WRN: variants seen among roughly 807,000 people sequenced by gnomAD.
WRN encodes the protein WRN RecQ like helicase.
A neutral mutation model predicts 180.7 loss-of-function variants in WRN; 149 were observed. That is an observed-to-expected ratio of 0.82 (90% CI 0.72 to 0.94). The LOEUF is 0.94. WRN is among the 40% of genes least tolerant of loss of function. The pLI is 0.00. For missense variants in WRN, 1,661 were observed against 1,700.1 expected, an observed-to-expected ratio of 0.98 and a Z score of 0.40; for synonymous variants, 548 against 568.9, an observed-to-expected ratio of 0.96 and a Z score of 0.52.
rs151163452 is a variant in WRN, at chr8:31,175,292, G to A, written c.*2190G>A. 3.0e-3 allele frequency among the ~76,000 whole-genome samples: 453 copies of A among 152,198 alleles called. 2 individuals carry two copies. The highest frequency in any genetic ancestry group is 0.01 in the African/African-American group (432 of 41,544). ...TCTACTAAAAATACAAAAATTAGCT[G>A]GGTGTGTTGGTGCGTGCCTATAATC... On this transcript the variant is annotated 3_prime_UTR_variant, in exon 35 of 35. Transcript: ENST00000298139.
intron 2 of WRN, among the ~76,000 whole-genome samples, chr8:31,058,826 T>A (rs921155208): frequency 3.9e-5 from 6 of 152,234 alleles, no homozygotes; most frequent in African/African-American, 1.4e-4. Flanking sequence ...GAATTTTTTG[T>A]TTGCCAGCCG....
chr8:31,154,836 C>T, intron 32 of WRN, 81 bp downstream of exon 32: 20 of 1,545,872 alleles, frequency 1.3e-5, no homozygotes, highest in Non-Finnish European at 1.8e-5. Flanking sequence ...TATTAAAGTT[C>T]TGACTTGGGA....
At position 31,167,234 on chromosome 8, in the gene WRN, T is replaced by C; in HGVS notation, c.4191+4T>C. ...AGAAGTAGGCATCAATACTGAGGTA[T>C]TAATTATATATAGAATTTTCATAAA... On this transcript the variant is annotated splice_donor_region_variant and intron_variant, in intron 34 of 34. Transcript: ENST00000298139. 6.2e-7 allele frequency: 1 copy of C among 1,607,712 alleles called. No homozygotes were observed. The highest frequency in any genetic ancestry group is 8.5e-7 in the Non-Finnish European group (1 of 1,175,526).
intron 1 of WRN, among the ~76,000 whole-genome samples, chr8:31,056,205 A>G (rs1044236922): frequency 2.6e-5 from 4 of 152,138 alleles, no homozygotes; most frequent in Non-Finnish European, 5.9e-5. Flanking sequence ...TGTTTTTATA[A>G]AGTTTGTGTT....
intron 33 of WRN, among the ~76,000 whole-genome samples, chr8:31,165,606 G>T (rs1471142586): frequency 6.6e-6 from 1 of 151,910 alleles, no homozygotes; most frequent in Non-Finnish European, 1.5e-5. Context: ...TTGTAATCAG[G>T]TATGTACTTT....
chr8:31,170,078 G>A (rs1267340874), intron 34 of WRN, among the ~76,000 whole-genome samples: 7 of 152,042 alleles, frequency 4.6e-5, no homozygotes, highest in Admixed American at 3.3e-4. Context: ...GCTTTCTCCC[G>A]TACAGATGTC....
chr8:31,091,050 G>A, intron 15 of WRN, 108 bp downstream of exon 15: 1 of 856,616 alleles, frequency 1.2e-6, no homozygotes, highest in Non-Finnish European at 2.0e-6. Context: ...ACACATTTCT[G>A]CAGGTATTGC....
At chr8:31,082,472 T>A (rs1211528337) in intron 9 of WRN, among the ~76,000 whole-genome samples, 1 of 152,212 alleles carries the variant, frequency 6.6e-6, no homozygotes, top group African/African-American at 2.4e-5. Flanking sequence ...ATAAAAGATG[T>A]TCCCCTTCTG....
intron 33 of WRN, among the ~76,000 whole-genome samples, chr8:31,166,724 C>T (rs1460924250): frequency 2.0e-5 from 3 of 152,050 alleles, no homozygotes; most frequent in Non-Finnish European, 2.9e-5. Flanking sequence ...AACAATTCCA[C>T]GAATGGTTGT....
intron 6 of WRN, among the ~76,000 whole-genome samples, chr8:31,067,880 A>G (rs1812773450): frequency 1.3e-5 from 2 of 152,192 alleles, no homozygotes; most frequent in Non-Finnish European, 2.9e-5. Flanking sequence ...CACTTTTGTT[A>G]GGGAAATTGG....
Position 31,115,813 on chromosome 8 carries a change from A to G in WRN, c.2274-541A>G, listed in dbSNP as rs76858068. Among the ~76,000 whole-genome samples, 19 of 152,326 alleles carry G rather than the reference A, an allele frequency of 1.2e-4. No homozygotes were observed. In the East Asian group the frequency reaches 3.7e-3, roughly 29 times the overall value. ...GTTTCTACAAAATACATTCTAACAG[A>G]TGTTTTCTATAACATTCAGTCTCAA... On this transcript the variant is annotated intron_variant, in intron 19 of 34. Transcript: ENST00000298139.
intron 9 of WRN, among the ~76,000 whole-genome samples, chr8:31,082,653 G>A (rs923549840): frequency 1.3e-5 from 2 of 151,416 alleles, no homozygotes; most frequent in South Asian, 2.1e-4. Flanking sequence ...CTGGAGTGCC[G>A]TGGCGCAGTC....
intron 23 of WRN, among the ~76,000 whole-genome samples, chr8:31,125,256 G>A (rs375594791): frequency 8.6e-5 from 13 of 151,442 alleles, no homozygotes; most frequent in African/African-American, 1.5e-4. Flanking sequence ...ATTTAAAGGC[G>A]TAAATTGTAA....
At chr8:31,124,849 A>G in intron 22 of WRN, 59 bp from the exon 23 acceptor site, 1 of 1,504,454 alleles carries the variant, frequency 6.6e-7, no homozygotes, top group Non-Finnish European at 9.2e-7. Context: ...ATTTTCAGGA[A>G]TGAACTTAAC....
At chr8:31,063,897 AT>A (rs1258100680) in intron 3 of WRN, among the ~76,000 whole-genome samples, 17 of 146,114 alleles carry the variant, frequency 1.2e-4, no homozygotes, top group Non-Finnish European at 1.4e-4. Flanking sequence ...CTAATTTTTA[AT>A]TTTTTTTTTT....
At chr8:31,112,192 A>G (rs1209915868) in intron 19 of WRN, among the ~76,000 whole-genome samples, 2 of 152,096 alleles carry the variant, frequency 1.3e-5, no homozygotes, top group African/African-American at 4.8e-5. Flanking sequence ...CTCCTGCCTC[A>G]GTCTCCCAAG....
chr8:31,147,262 T>C, intron 29 of WRN, 102 bp from the exon 30 acceptor site: 2 of 1,457,098 alleles, frequency 1.4e-6, no homozygotes, highest in Non-Finnish European at 1.9e-6. Context: ...TTTCAGTTTA[T>C]ATTCATTCTA....
rs144414684 is a variant in WRN at position 31,062,830 on chromosome 8, A to AT, written c.210-1450dup. The stretch of plus-strand genomic sequence containing the variant: ...GAGATAACTTCTATGAGTTTTGTGC[A>AT]TTTTTTTTTCTTTTTAATAAAAACA... On this transcript the variant is annotated intron_variant, in intron 3 of 34. Coordinates refer to ENST00000298139, the MANE Select transcript of WRN (RefSeq NM_000553.6). Among the ~76,000 whole-genome samples the AT allele has an allele frequency of 8.4e-4, 126 of 150,592 alleles. 1 individual carries two copies. Among genetic ancestry groups the AT allele is most frequent in the Middle Eastern group, 3.4e-3 (1 of 292 alleles).
At chr8:31,166,533 A>G (rs1367981091) in intron 33 of WRN, among the ~76,000 whole-genome samples, 3 of 152,192 alleles carry the variant, frequency 2.0e-5, no homozygotes, top group African/African-American at 7.2e-5. Context: ...TATTACAATA[A>G]TAGCCATTGA....
Sources: allele counts gnomAD v4.1 joint callset (sites outside exome capture counted in the v4.1 genomes callset), GRCh38; gene constraint gnomAD v4.1.1; transcripts MANE v1.5; gene names NCBI Gene and HGNC (gene_info 2026-07-23, HGNC 2026-07-21).